The following PIR variants were observed in gnomAD, a reference collection of about 807,000 sequenced individuals.
PIR encodes the protein pirin (iron-binding nuclear protein).
Under a neutral mutation model 24.2 loss-of-function variants are expected in PIR, and 22 were observed. That is an observed-to-expected ratio of 0.91 (90% confidence interval 0.65 to 1.30). The LOEUF is 1.30. Ranked by LOEUF, PIR falls within the 50% of genes most tolerant of loss-of-function variation. The pLI, the probability that PIR is intolerant of heterozygous loss-of-function variation, is 0.00. For missense variants in PIR, 220 were observed against 220.3 expected (o/e 1.00, Z 0.01); for synonymous variants, 80 against 79.6 (o/e 1.00, Z -0.03).
chrX:15,401,087 C>T (rs1397221470), intron 7 of PIR, among the ~76,000 whole-genome samples: 1 of 109,005 alleles, frequency 9.2e-6, no homozygotes, highest in Non-Finnish European at 1.9e-5. Flanking sequence ...GAGTCTTACT[C>T]TGTTGCCAAG....
intron 9 of PIR, chrX:15,389,865 G>A (rs1451009395): frequency 7.4e-6 from 1 of 134,537 alleles, no homozygotes. Flanking sequence ...AAAGTTCCCA[G>A]TAGACTGTAG....
chrX:15,457,097 A>G (rs1054324437), intron 4 of PIR, among the ~76,000 whole-genome samples: 3 of 112,015 alleles, frequency 2.7e-5, no homozygotes, highest in African/African-American at 9.7e-5. Flanking sequence ...GTTAATGAGA[A>G]GGTTATATCT....
rs200193101 is a variant in PIR, at chrX:15,440,565, AAC to A, written c.481-14577_481-14576del. On this transcript the variant is annotated intron_variant, in intron 5 of 9. Transcript: ENST00000380420. ...TAATGTCAACTTGCTCTCCACAATG[AAC>A]ACAGTTACACCCACTTGCCAAACAT... Among the ~76,000 whole-genome samples the A allele has an allele frequency of 5.8e-3, 649 of 111,238 alleles. 5 individuals are homozygous for A. Among genetic ancestry groups the A allele is most frequent in the African/African-American group, 0.02 (609 of 30,608 alleles).
At chrX:15,474,540 C>G (rs1357569287) in intron 3 of PIR, among the ~76,000 whole-genome samples, 1 of 112,227 alleles carries the variant, frequency 8.9e-6, no homozygotes, top group Non-Finnish European at 1.9e-5. Flanking sequence ...CAGCCATTTA[C>G]TAATAGGTTT....
intron 2 of PIR, among the ~76,000 whole-genome samples, chrX:15,484,139 C>T (rs1922660162): frequency 9.1e-6 from 1 of 110,059 alleles, no homozygotes; most frequent in African/African-American, 3.3e-5. Flanking sequence ...GTAATGAATA[C>T]CTAAAACTGG....
chrX:15,446,483 A>G (rs185790704), intron 5 of PIR, among the ~76,000 whole-genome samples: 2 of 111,867 alleles, frequency 1.8e-5, no homozygotes, highest in African/African-American at 6.5e-5. Context: ...GAAAAAAAAA[A>G]TCACAAACAA....
chrX:15,430,767 A>G (rs144579925), intron 5 of PIR, among the ~76,000 whole-genome samples: 1 of 111,974 alleles, frequency 8.9e-6, no homozygotes, highest in African/African-American at 3.2e-5. Flanking sequence ...AGGAGATGAA[A>G]TCACTTCCAC....
chrX:15,411,102 T>C (rs1185589922), intron 6 of PIR, among the ~76,000 whole-genome samples: 1 of 111,553 alleles, frequency 9.0e-6, no homozygotes, highest in Admixed American at 9.5e-5. Context: ...TTGTCAGAGT[T>C]CACACCCTGC....
At chrX:15,411,629 G>T (rs775800859) in intron 6 of PIR, among the ~76,000 whole-genome samples, 1 of 110,574 alleles carries the variant, frequency 9.0e-6, no homozygotes, top group East Asian at 2.8e-4. Flanking sequence ...TTGCCAGACC[G>T]CAAAGCAACC....
chrX:15,397,263 A>G (rs1257779607), intron 8 of PIR, among the ~76,000 whole-genome samples, 186 bp downstream of exon 8: 1 of 112,583 alleles, frequency 8.9e-6, no homozygotes, highest in Non-Finnish European at 1.9e-5. Flanking sequence ...GAATCAATAA[A>G]GATAAAACTT....
chrX:15,390,346 C>T (rs1923917498), intron 8 of PIR, 95 bp from the exon 9 acceptor site: 4 of 477,224 alleles, frequency 8.4e-6, no homozygotes, highest in Non-Finnish European at 1.4e-5. Context: ...GCCAAATAGG[C>T]GATGTTCCTA....
intron 3 of PIR, among the ~76,000 whole-genome samples, chrX:15,474,602 T>A (rs779186973): frequency 9.0e-6 from 1 of 111,684 alleles, no homozygotes; most frequent in South Asian, 3.8e-4. Context: ...AGAGTAGAGG[T>A]GGCTTTAGCT....
chrX:15,480,803 C>T (rs982065555), intron 2 of PIR, among the ~76,000 whole-genome samples: 5 of 112,347 alleles, frequency 4.5e-5, no homozygotes, highest in Non-Finnish European at 9.4e-5. Context: ...CATGGGCAGA[C>T]GATGGAGGAC....
intron 3 of PIR, among the ~76,000 whole-genome samples, chrX:15,461,734 G>A (rs1193188008): frequency 8.9e-6 from 1 of 111,979 alleles, no homozygotes; most frequent in Non-Finnish European, 1.9e-5. Flanking sequence ...AGTGAGCCGA[G>A]ATCGCACCAT....
At chrX:15,480,957 A>C (rs1020244456) in intron 2 of PIR, among the ~76,000 whole-genome samples, 1 of 111,946 alleles carries the variant, frequency 8.9e-6, no homozygotes, top group South Asian at 3.7e-4. Context: ...AAATAGTCTG[A>C]GCAAAGGCAA....
intron 6 of PIR, among the ~76,000 whole-genome samples, chrX:15,424,206 A>C: frequency 8.9e-6 from 1 of 112,716 alleles, no homozygotes; most frequent in African/African-American, 3.2e-5. Context: ...AATGTGATAT[A>C]AATATACAAT....
At chrX:15,440,472 T>G (rs965616675) in intron 5 of PIR, among the ~76,000 whole-genome samples, 3 of 110,572 alleles carry the variant, frequency 2.7e-5, no homozygotes, top group African/African-American at 9.9e-5. Flanking sequence ...TGGTGAAGTT[T>G]TGATGGAATA....
At chrX:15,439,393 G>T (rs758086994) in intron 5 of PIR, among the ~76,000 whole-genome samples, 15 of 112,333 alleles carry the variant, frequency 1.3e-4, no homozygotes, top group Admixed American at 3.8e-4. Flanking sequence ...GATTAAATAT[G>T]CTATTAAAAT....
intron 2 of PIR, among the ~76,000 whole-genome samples, chrX:15,484,383 C>T (rs1311966195): frequency 1.1e-5 from 1 of 92,831 alleles, no homozygotes; most frequent in Non-Finnish European, 2.1e-5. Context: ...GGCATGATCT[C>T]GACTCACTGC....
Sources: gnomAD v4.1 joint callset for allele counts (sites outside exome capture counted in the v4.1 genomes callset) on GRCh38, gnomAD v4.1.1 for gene constraint, MANE v1.5 for transcripts, NCBI Gene and HGNC (gene_info 2026-07-23, HGNC 2026-07-21) for gene names.